Variants in C12orf75 observed in about 807,000 individuals in gnomAD.
C12orf75 encodes overexpressed in colon carcinoma 1 protein.
In C12orf75, 4 loss-of-function variants were observed where a neutral mutation model predicts 11.4. That is an observed-to-expected ratio of 0.35 (90% CI 0.17 to 0.80). The LOEUF is 0.80. Ranked by LOEUF, C12orf75 falls within the 30% of genes least tolerant of loss-of-function variation. The probability of loss-of-function intolerance (pLI) is 0.52; values close to 1 mark genes in which losing one functional copy is unlikely to be tolerated. For missense variants in C12orf75, 89 were observed against 80.4 expected (o/e 1.11, Z -0.41); for synonymous variants, 30 against 30.0 (o/e 1.00, Z 0.00).
chr12:105,332,261 T>G (rs1161536151), intron 1 of C12orf75, among the ~76,000 whole-genome samples: 1 of 152,150 alleles, frequency 6.6e-6, no homozygotes, highest in Non-Finnish European at 1.5e-5. Context: ...CCACTGCATG[T>G]GTAGCCTACT....
intron 2 of C12orf75, among the ~76,000 whole-genome samples, chr12:105,358,522 G>GA (rs1449405178): frequency 1.3e-5 from 2 of 152,158 alleles, no homozygotes; most frequent in East Asian, 3.9e-4. Flanking sequence ...CCCTGTCTCA[G>GA]AAAAAAACCA....
At chr12:105,363,045 G>GT (rs1892895600) in intron 2 of C12orf75, among the ~76,000 whole-genome samples, 1 of 152,020 alleles carries the variant, frequency 6.6e-6, no homozygotes, top group Non-Finnish European at 1.5e-5. Flanking sequence ...CACAGGAAGT[G>GT]TTTTTGACTT....
chr12:105,361,348 A>T (rs940904467), intron 2 of C12orf75, among the ~76,000 whole-genome samples: 6 of 152,240 alleles, frequency 3.9e-5, no homozygotes, highest in Non-Finnish European at 8.8e-5. Context: ...CAGATGGGGC[A>T]GCCCTGTTGT....
At chr12:105,350,091 A>T (rs4964360) in intron 2 of C12orf75, among the ~76,000 whole-genome samples, 73,775 of 151,970 alleles carry the variant, frequency 0.49, 18,390 homozygotes, top group Non-Finnish European at 0.54. Flanking sequence ...AACAGTGAAT[A>T]CTGCACCCTG....
At position 105,330,785 on chromosome 12, in the gene C12orf75, G is replaced by A. The variant is rs1213533351; in HGVS notation, c.-107G>A. 9 of 1,132,840 alleles carry A rather than the reference G, an allele frequency of 7.9e-6. No individual in the cohort carries two copies. The highest frequency in any genetic ancestry group is 9.9e-6 in the Non-Finnish European group (9 of 907,336). 70.2% of individuals were successfully genotyped at this position (1,132,840 alleles called of 1,614,324 possible). A position where few individuals can be genotyped will look rare whatever the true frequency, so the allele number is the denominator to read the frequency against. ...CCCCACTCGGTTCCTGGCCCCTCGC[G>A]GCCCCGTCAGCCTCCCGCTCGGGGT... is the stretch of plus-strand genomic sequence containing the variant. On this transcript the variant is annotated 5_prime_UTR_variant, in exon 1 of 6. Transcript: ENST00000443585.
In C12orf75 at chr12:105,349,916, A is replaced by G. The variant is rs142822147; in HGVS notation, c.71+1290A>G. Among the ~76,000 whole-genome samples the G allele has an allele frequency of 2.6e-3, 400 of 152,310 alleles. 6 individuals carry two copies. The highest frequency in any genetic ancestry group is 8.9e-3 in the African/African-American group (372 of 41,572). ...AAAGAGTCAGACTTTCTTATTTCTT[A>G]TTACAAAGAATTTAGAGAAGATGAG... On this transcript the variant is annotated intron_variant, in intron 2 of 5. Coordinates refer to ENST00000443585, the MANE Select transcript of C12orf75 (RefSeq NM_001145199.2).
At chr12:105,359,794 A>G (rs995400151) in intron 2 of C12orf75, among the ~76,000 whole-genome samples, 3 of 148,488 alleles carry the variant, frequency 2.0e-5, no homozygotes, top group South Asian at 2.2e-4. Flanking sequence ...AAAAAAAAAG[A>G]TTACGATTAT....
At chr12:105,336,083 T>C (rs1014304651) in intron 1 of C12orf75, among the ~76,000 whole-genome samples, 2 of 152,194 alleles carry the variant, frequency 1.3e-5, no homozygotes, top group African/African-American at 4.8e-5. Flanking sequence ...AAGATTTGGA[T>C]AGCAGAAAAT....
At chr12:105,351,109 C>T (rs551903438) in intron 2 of C12orf75, among the ~76,000 whole-genome samples, 3 of 152,238 alleles carry the variant, frequency 2.0e-5, no homozygotes, top group East Asian at 3.9e-4. Flanking sequence ...CAGGCACGTT[C>T]AATTTTTTAA....
intron 5 of C12orf75, among the ~76,000 whole-genome samples, chr12:105,369,826 T>C (rs548765620): frequency 6.6e-6 from 1 of 152,380 alleles, no homozygotes; most frequent in East Asian, 1.9e-4. Context: ...TAAGCATCCA[T>C]TGTGGTCCTT....
intron 2 of C12orf75, among the ~76,000 whole-genome samples, chr12:105,358,513 C>T (rs1366581354): frequency 6.6e-6 from 1 of 152,018 alleles, no homozygotes; most frequent in Non-Finnish European, 1.5e-5. Flanking sequence ...GGAGCAAGAC[C>T]CTGTCTCAGA....
intron 2 of C12orf75, among the ~76,000 whole-genome samples, chr12:105,351,418 T>C (rs1358508534): frequency 6.6e-6 from 1 of 152,184 alleles, no homozygotes; most frequent in Non-Finnish European, 1.5e-5. Context: ...AAAAAATCAA[T>C]TCTCTAGGAA....
chr12:105,333,165 A>T (rs939194914), intron 1 of C12orf75, among the ~76,000 whole-genome samples: 4 of 152,206 alleles, frequency 2.6e-5, no homozygotes, highest in Non-Finnish European at 5.9e-5. Context: ...TGTCTTGGAG[A>T]AGCCATTCCC....
chr12:105,338,000 A>G (rs1892517767), intron 1 of C12orf75, among the ~76,000 whole-genome samples: 1 of 152,206 alleles, frequency 6.6e-6, no homozygotes, highest in South Asian at 2.1e-4. Flanking sequence ...AAAGCAAAGC[A>G]AAATAGAGTC....
Position 105,331,591 on chromosome 12 carries a change from AACACACAC to A in C12orf75, c.46+680_46+687del, listed in dbSNP as rs71440581. 3.3e-3 allele frequency among the ~76,000 whole-genome samples: 498 copies of A among 149,278 alleles called. 6 individuals are homozygous for A. Among genetic ancestry groups the A allele is most frequent in the African/African-American group, 0.011 (445 of 40,552 alleles). ...CAGTCTGTTAAGATACTTTTCATTAAACACACACACACACACACACACACACACACACA... is the reference window on the plus strand; with the variant it reads ...CAGTCTGTTAAGATACTTTTCATTAAACACACACACACACACACACACACA... On this transcript the variant is annotated intron_variant, in intron 1 of 5. Transcript: ENST00000443585.
At position 105,363,674 on chromosome 12, in the gene C12orf75, G is replaced by A. The variant is rs536200744; in HGVS notation, c.72-2133G>A. On this transcript the variant is annotated intron_variant, in intron 2 of 5. Transcript: ENST00000443585. ...AGGGAGTCAGAGGTTGCAGGGAGCC[G>A]AGATTGTGCCACTGCACTCCAGGCT... 6.6e-5 allele frequency among the ~76,000 whole-genome samples: 10 copies of A among 151,648 alleles called. No individual in the cohort carries two copies. In the South Asian group the frequency reaches 8.4e-4, roughly 13 times the overall value.
At chr12:105,364,505 A>C (rs1205701569) in intron 2 of C12orf75, among the ~76,000 whole-genome samples, 1 of 151,928 alleles carries the variant, frequency 6.6e-6, no homozygotes, top group Non-Finnish European at 1.5e-5. Context: ...TTCTTTATAG[A>C]CTTGGACTTA....
At chr12:105,342,598 GC>G in intron 1 of C12orf75, among the ~76,000 whole-genome samples, 1 of 152,342 alleles carries the variant, frequency 6.6e-6, no homozygotes, top group South Asian at 2.1e-4. Context: ...TCAATCTCCA[GC>G]CTCTCTCCTC....
At chr12:105,370,497 A>G (rs1450542273) in intron 5 of C12orf75, 137 bp from the exon 6 acceptor site, 1 of 426,068 alleles carries the variant, frequency 2.3e-6, no homozygotes, top group Middle Eastern at 3.4e-4. Flanking sequence ...TAAGTCTTAA[A>G]TTAATATTGG....
Sources: gnomAD v4.1 joint callset for allele counts (sites outside exome capture counted in the v4.1 genomes callset) on GRCh38, gnomAD v4.1.1 for gene constraint, MANE v1.5 for transcripts, NCBI Gene and HGNC (gene_info 2026-07-23, HGNC 2026-07-21) for gene names.